UGGT2: variants seen among roughly 807,000 people sequenced by gnomAD.
The protein encoded by UGGT2 is UDP-glucose glycoprotein glucosyltransferase 2.
In UGGT2, 180 loss-of-function variants were observed where a neutral mutation model predicts 192.1. The observed-to-expected ratio is 0.94, with a 90% CI of 0.83 to 1.06. The LOEUF (loss-of-function observed/expected upper bound fraction) is 1.06. Ranked by LOEUF, UGGT2 falls within the 50% of genes least tolerant of loss-of-function variation. The pLI is 0.00. For missense variants in UGGT2, 1,849 were observed against 1,795.7 expected (o/e 1.03, Z -0.54); for synonymous variants, 580 against 591.0 (o/e 0.98, Z 0.27).
intron 16 of UGGT2, among the ~76,000 whole-genome samples, chr13:95,937,549 T>C (rs1049631351): frequency 3.9e-5 from 6 of 152,310 alleles, no homozygotes; most frequent in Admixed American, 2.6e-4. Flanking sequence ...TAAACACTTA[T>C]TCAATCCTGC....
At chr13:96,037,982 A>C (rs1441418126) in intron 1 of UGGT2, among the ~76,000 whole-genome samples, 1 of 152,256 alleles carries the variant, frequency 6.6e-6, no homozygotes, top group African/African-American at 2.4e-5. Context: ...AGAGAGGATC[A>C]GTAGATAAAA....
chr13:95,998,393 C>T (rs1442922949), intron 6 of UGGT2, among the ~76,000 whole-genome samples: 1 of 152,142 alleles, frequency 6.6e-6, no homozygotes, highest in Non-Finnish European at 1.5e-5. Context: ...TTCAGTAACT[C>T]TTTAACCAAA....
intron 12 of UGGT2, among the ~76,000 whole-genome samples, chr13:95,952,615 C>T (rs1452391735): frequency 1.3e-5 from 2 of 152,008 alleles, no homozygotes; most frequent in African/African-American, 4.8e-5. Context: ...ATGTGGAACC[C>T]TTGGATATGG....
At chr13:95,810,149 A>C (rs527377389) in intron 38 of UGGT2, among the ~76,000 whole-genome samples, 2 of 152,224 alleles carry the variant, frequency 1.3e-5, no homozygotes, top group East Asian at 3.9e-4. Flanking sequence ...TTGTAATATC[A>C]TGGCTTTCTT....
chr13:95,808,267 G>T (rs1884416500), intron 38 of UGGT2, among the ~76,000 whole-genome samples: 2 of 152,084 alleles, frequency 1.3e-5, no homozygotes, highest in Non-Finnish European at 2.9e-5. Context: ...TATCTTCAAG[G>T]CTTGGGGGTT....
intron 6 of UGGT2, 87 bp downstream of exon 6, chr13:95,999,124 A>C: frequency 1.0e-6 from 1 of 958,188 alleles, no homozygotes; most frequent in East Asian, 2.4e-5. Context: ...CATATGTAGG[A>C]TTATACTCAT....
Position 95,936,909 on chromosome 13 carries a change from T to A in UGGT2, c.1977+15A>T. 1 of 1,498,648 alleles carries A rather than the reference T, an allele frequency of 6.7e-7. No homozygotes were observed. The highest frequency in any genetic ancestry group is 8.9e-7 in the Non-Finnish European group (1 of 1,126,236). The allele number at this position is 1,498,648 out of a possible 1,614,324, so 92.8% of individuals were successfully genotyped here. ...TAAATATTCATCATGTATTTTCTTATAAATGCTTACCTACCAAAAAAACTT... is the reference window on the plus strand; with the variant it reads ...TAAATATTCATCATGTATTTTCTTAAAAATGCTTACCTACCAAAAAAACTT... On this transcript the variant is annotated intron_variant, in intron 17 of 38. Transcript: ENST00000376747.
At chr13:95,999,010 G>A (rs548203059) in intron 6 of UGGT2, among the ~76,000 whole-genome samples, 1 of 152,082 alleles carries the variant, frequency 6.6e-6, no homozygotes, top group South Asian at 2.1e-4. Context: ...TATTTTTAAA[G>A]AAATTTTGAT....
intron 17 of UGGT2, 85 bp from the exon 18 acceptor site, chr13:95,927,421 T>C (rs1460222884): frequency 3.5e-6 from 4 of 1,133,246 alleles, no homozygotes; most frequent in East Asian, 5.2e-5. Flanking sequence ...AAAGATTACT[T>C]AATCAAAAAT....
At chr13:96,053,115 C>G (rs965995062) in intron 1 of UGGT2, 40 bp downstream of exon 1, 49 of 1,432,646 alleles carry the variant, frequency 3.4e-5, no homozygotes, top group Non-Finnish European at 4.2e-5. Flanking sequence ...GGTGGCAGCG[C>G]GCCCACACCC....
At chr13:95,870,130 G>T (rs376618295) in intron 29 of UGGT2, among the ~76,000 whole-genome samples, 1 of 152,110 alleles carries the variant, frequency 6.6e-6, no homozygotes, top group Non-Finnish European at 1.5e-5. Context: ...AACTGCAAAA[G>T]AAATTTTTAA....
chr13:95,924,915 T>C (rs2048972328), intron 20 of UGGT2, among the ~76,000 whole-genome samples: 1 of 152,174 alleles, frequency 6.6e-6, no homozygotes, highest in African/African-American at 2.4e-5. Flanking sequence ...ATCTTAAATA[T>C]AGCCTTATAA....
intron 5 of UGGT2, among the ~76,000 whole-genome samples, chr13:96,010,439 C>T (rs943428991): frequency 2.6e-5 from 4 of 152,114 alleles, no homozygotes; most frequent in South Asian, 2.1e-4. Context: ...TAAACCCTTC[C>T]TCTAATATGA....
chr13:95,986,091 CT>C (rs529379813), intron 9 of UGGT2, among the ~76,000 whole-genome samples: 10 of 151,866 alleles, frequency 6.6e-5, no homozygotes, highest in African/African-American at 2.2e-4. Context: ...TTTTTTAGGA[CT>C]TTTTTTCCTA....
intron 15 of UGGT2, among the ~76,000 whole-genome samples, chr13:95,946,757 A>G (rs1005687477): frequency 6.6e-6 from 1 of 152,212 alleles, no homozygotes; most frequent in Non-Finnish European, 1.5e-5. Context: ...CTAAAGTTAC[A>G]TATAAAATTT....
intron 7 of UGGT2, 183 bp from the exon 8 acceptor site, chr13:95,990,256 C>T (rs2051415357): frequency 5.5e-6 from 2 of 363,984 alleles, no homozygotes; most frequent in Non-Finnish European, 4.9e-6. Flanking sequence ...GGAAGATATA[C>T]AGGTCTCTTT....
At chr13:95,840,419 G>A (rs1290117585) in intron 36 of UGGT2, among the ~76,000 whole-genome samples, 1 of 152,114 alleles carries the variant, frequency 6.6e-6, no homozygotes, top group Non-Finnish European at 1.5e-5. Context: ...AGACACTTAT[G>A]CGACCAACAA....
intron 38 of UGGT2, among the ~76,000 whole-genome samples, chr13:95,808,966 C>T (rs1413970341): frequency 6.6e-6 from 1 of 152,136 alleles, no homozygotes; most frequent in East Asian, 1.9e-4. Flanking sequence ...AGGACCGTGA[C>T]TCCATATTGC....
intron 31 of UGGT2, among the ~76,000 whole-genome samples, chr13:95,862,974 C>A (rs1200458214): frequency 6.6e-6 from 1 of 152,040 alleles, no homozygotes; most frequent in African/African-American, 2.4e-5. Flanking sequence ...GCAATCCTCC[C>A]ACCTCAGTCT....
Sources: allele counts gnomAD v4.1 joint callset (sites outside exome capture counted in the v4.1 genomes callset), GRCh38; gene constraint gnomAD v4.1.1; transcripts MANE v1.5; gene names NCBI Gene and HGNC (gene_info 2026-07-23, HGNC 2026-07-21).